NCAM2: variants seen among roughly 807,000 people sequenced by gnomAD.
The protein encoded by NCAM2 is N-CAM-2.
NCAM2 carries 30 observed loss-of-function variants against 98.1 expected under a neutral mutation model. The ratio of observed to expected loss-of-function variants is 0.31; its 90% CI spans 0.23 to 0.41. NCAM2 has a LOEUF of 0.41. NCAM2 is among the 10% of genes least tolerant of loss of function. NCAM2 has a pLI of 1.00. For synonymous variants in NCAM2, 368 were observed against 342.4 expected (o/e 1.07, Z -0.83); for missense variants, 867 against 1,005.8 (o/e 0.86, Z 1.87).
chr21:21,254,168 G>C (rs2071577263), intron 1 of NCAM2, among the ~76,000 whole-genome samples: 1 of 152,130 alleles, frequency 6.6e-6, no homozygotes, highest in Non-Finnish European at 1.5e-5. Flanking sequence ...TCTCAGCTTA[G>C]TATCAAAAGC....
At chr21:21,171,393 TTATCTC>T (rs1374397043) in intron 1 of NCAM2, among the ~76,000 whole-genome samples, 1 of 152,224 alleles carries the variant, frequency 6.6e-6, no homozygotes, top group African/African-American at 2.4e-5. Flanking sequence ...AATCCTTCCT[TTATCTC>T]TATTTGGTAG....
intron 1 of NCAM2, among the ~76,000 whole-genome samples, chr21:21,045,767 A>G (rs1168011190): frequency 1.3e-5 from 2 of 152,210 alleles, no homozygotes; most frequent in East Asian, 3.8e-4. Context: ...AATTATCTGA[A>G]CCTTCAGCTT....
At chr21:21,435,311 CA>C (rs1569060950) in intron 12 of NCAM2, among the ~76,000 whole-genome samples, 1 of 152,092 alleles carries the variant, frequency 6.6e-6, no homozygotes, top group Non-Finnish European at 1.5e-5. Context: ...AGCAGAAGTC[CA>C]AATTTCCAAA....
intron 12 of NCAM2, among the ~76,000 whole-genome samples, chr21:21,456,475 A>AT (rs1186032889): frequency 1.3e-5 from 2 of 152,266 alleles, no homozygotes; most frequent in East Asian, 3.9e-4. Flanking sequence ...ATGGATTTAC[A>AT]TTTTTTTAGT....
chr21:21,485,585 A>G (rs913687526), intron 15 of NCAM2, among the ~76,000 whole-genome samples: 2 of 152,178 alleles, frequency 1.3e-5, no homozygotes, highest in Admixed American at 6.5e-5. Flanking sequence ...TGAATATGCA[A>G]TTTTCACTTA....
intron 1 of NCAM2, among the ~76,000 whole-genome samples, chr21:21,056,325 A>G (rs1391974812): frequency 6.6e-6 from 1 of 152,054 alleles, no homozygotes. Context: ...AAATGAGCAA[A>G]TAGATTATAT....
At chr21:21,505,785 C>G (rs1204509509) in intron 15 of NCAM2, among the ~76,000 whole-genome samples, 1 of 151,814 alleles carries the variant, frequency 6.6e-6, no homozygotes, top group Non-Finnish European at 1.5e-5. Context: ...TAATTATAAG[C>G]AGTACTTGCT....
intron 1 of NCAM2, among the ~76,000 whole-genome samples, chr21:21,261,363 A>G (rs2071892638): frequency 6.6e-6 from 1 of 152,132 alleles, no homozygotes; most frequent in Non-Finnish European, 1.5e-5. Flanking sequence ...ATATCTACAA[A>G]ACATCTACCC....
At chr21:21,103,711 C>T (rs574500878) in intron 1 of NCAM2, among the ~76,000 whole-genome samples, 6 of 152,144 alleles carry the variant, frequency 3.9e-5, no homozygotes, top group East Asian at 3.9e-4. Context: ...TTTAGAAATA[C>T]GTCTGTGTTT....
intron 5 of NCAM2, among the ~76,000 whole-genome samples, chr21:21,305,993 A>T (rs950538515): frequency 6.6e-6 from 1 of 152,076 alleles, no homozygotes; most frequent in Non-Finnish European, 1.5e-5. Flanking sequence ...TTGACTTATT[A>T]TTTATCCCAT....
chr21:21,514,781 T>C (rs1277480499), intron 16 of NCAM2, among the ~76,000 whole-genome samples: 1 of 152,156 alleles, frequency 6.6e-6, no homozygotes, highest in African/African-American at 2.4e-5. Context: ...AGCAGTGCCA[T>C]GGTTGTGACA....
chr21:21,108,389 CATT>C (rs994208465), intron 1 of NCAM2, among the ~76,000 whole-genome samples: 226 of 152,096 alleles, frequency 1.5e-3, no homozygotes, highest in African/African-American at 5.2e-3. Flanking sequence ...TACATTTGGC[CATT>C]GACGGCACTT....
chr21:21,468,808 T>C (rs1460168166), intron 14 of NCAM2, 25 bp downstream of exon 14: 1 of 1,587,750 alleles, frequency 6.3e-7, no homozygotes. Context: ...TATTGTCATA[T>C]CATGCTAGGT....
rs540619507 is a variant in NCAM2 at position 21,244,644 on chromosome 21, C to T, written c.56-35934C>T. On this transcript the variant is annotated intron_variant, in intron 1 of 17. Transcript: ENST00000400546. ...CAGTTGGATCACGAGGTCAAGAGAT[C>T]GAGACCATCCTGGCCAACTTGATGA... Among the ~76,000 whole-genome samples the T allele has an allele frequency of 4.6e-5, 7 of 151,928 alleles. No homozygotes were observed. The East Asian group carries it at 5.8e-4, about 13-fold the overall frequency.
chr21:21,164,837 C>T lies in NCAM2; in HGVS notation c.56-115741C>T, dbSNP rs541509585. ...ACTTTACCAATGTAGGGTTTACTCT[C>T]ATGTGAAGAAAAGACAGTTCACAGA... On this transcript the variant is annotated intron_variant, in intron 1 of 17. Transcript: ENST00000400546. Among the ~76,000 whole-genome samples, 12 of 152,224 alleles carry T rather than the reference C, an allele frequency of 7.9e-5. No individual in the cohort carries two copies. In the South Asian group the frequency reaches 1.7e-3, roughly 21 times the overall value.
intron 1 of NCAM2, among the ~76,000 whole-genome samples, chr21:21,264,244 A>G (rs752778471): frequency 6.6e-6 from 1 of 152,136 alleles, no homozygotes; most frequent in Non-Finnish European, 1.5e-5. Flanking sequence ...ATATGAATAA[A>G]TGCTAAACAT....
At chr21:21,435,025 T>C (rs1323631200) in intron 12 of NCAM2, among the ~76,000 whole-genome samples, 2 of 129,878 alleles carry the variant, frequency 1.5e-5, no homozygotes, top group African/African-American at 5.8e-5. Context: ...ATTTCATTTT[T>C]GGAGATAGAA....
chr21:21,129,589 T>C (rs1285441883), intron 1 of NCAM2, among the ~76,000 whole-genome samples: 3 of 152,146 alleles, frequency 2.0e-5, no homozygotes, highest in African/African-American at 4.8e-5. Context: ...CACCAGTAGA[T>C]TCAGCGTCTG....
chr21:21,530,951 C>T (rs937255709), intron 16 of NCAM2, among the ~76,000 whole-genome samples: 1 of 151,888 alleles, frequency 6.6e-6, no homozygotes, highest in African/African-American at 2.4e-5. Flanking sequence ...TTCTCTACAA[C>T]TTCTGACATA....
Sources: allele counts gnomAD v4.1 joint callset (sites outside exome capture counted in the v4.1 genomes callset), GRCh38; gene constraint gnomAD v4.1.1; transcripts MANE v1.5; gene names NCBI Gene and HGNC (gene_info 2026-07-23, HGNC 2026-07-21).